The following DNAJC1 variants were observed in gnomAD, a reference collection of about 807,000 sequenced individuals.
The protein encoded by DNAJC1 is dnaJ homolog subfamily C member 1.
DNAJC1 carries 58 observed loss-of-function variants against 76.6 expected under a neutral mutation model. That is an observed-to-expected ratio of 0.76 (90% CI 0.61 to 0.94). The LOEUF (loss-of-function observed/expected upper bound fraction) is 0.94, where lower values mean the gene tolerates loss of function less well. Ranked by LOEUF, DNAJC1 falls within the 40% of genes least tolerant of loss-of-function variation. The pLI, the probability that DNAJC1 is intolerant of heterozygous loss-of-function variation, is 0.00. For synonymous variants in DNAJC1, 258 were observed against 267.9 expected (o/e 0.96, Z 0.36); for missense variants, 689 against 677.3 (o/e 1.02, Z -0.19).
intron 9 of DNAJC1, among the ~76,000 whole-genome samples, chr10:21,774,241 G>A (rs1177339466): frequency 2.0e-5 from 3 of 151,734 alleles, no homozygotes; most frequent in African/African-American, 7.3e-5. Flanking sequence ...AAAAGCTTAC[G>A]GTTTATCTTG....
At chr10:21,905,047 T>C (rs1836719781) in intron 6 of DNAJC1, among the ~76,000 whole-genome samples, 1 of 152,028 alleles carries the variant, frequency 6.6e-6, no homozygotes, top group South Asian at 2.1e-4. Context: ...TATCTTCAAA[T>C]CTGATTATAA....
At chr10:21,889,968 C>G (rs144462588) in intron 7 of DNAJC1, among the ~76,000 whole-genome samples, 4 of 152,304 alleles carry the variant, frequency 2.6e-5, no homozygotes, top group African/African-American at 9.6e-5. Context: ...CCAACCTCCC[C>G]ACCAGGGTGA....
At chr10:21,882,493 TTTC>T in intron 7 of DNAJC1, 54 bp from the exon 8 acceptor site, 2 of 1,172,350 alleles carry the variant, frequency 1.7e-6, no homozygotes, top group Non-Finnish European at 2.3e-6. Context: ...ATAAAATTAA[TTTC>T]TAACATTTTA....
rs118083202 is a variant in DNAJC1, at chr10:21,772,656, T to C, written c.1099-6347A>G. The stretch of plus-strand genomic sequence containing the variant: ...GGTTAATTACTTACTTAAATGCATG[T>C]TAATTTTCTTGATATTTTCCAAGAA... On this transcript the variant is annotated intron_variant, in intron 9 of 11. Transcript: ENST00000376980. Among the ~76,000 whole-genome samples, 1,346 of 152,270 alleles carry C rather than the reference T, an allele frequency of 8.8e-3. 12 individuals carry two copies. Among genetic ancestry groups the C allele is most frequent in the Non-Finnish European group, 0.013 (903 of 68,024 alleles).
chr10:21,767,388 A>G (rs886651462), intron 9 of DNAJC1, among the ~76,000 whole-genome samples: 6 of 152,192 alleles, frequency 3.9e-5, no homozygotes, highest in Admixed American at 3.3e-4. Flanking sequence ...AGATCTACAT[A>G]CAGAATTGCC....
At chr10:21,814,137 C>G (rs927667902) in intron 8 of DNAJC1, among the ~76,000 whole-genome samples, 2 of 152,206 alleles carry the variant, frequency 1.3e-5, no homozygotes, top group African/African-American at 4.8e-5. Context: ...TGGGCACCTA[C>G]AGCGAACATG....
At chr10:21,818,246 C>T (rs746432239) in intron 8 of DNAJC1, among the ~76,000 whole-genome samples, 18 of 152,124 alleles carry the variant, frequency 1.2e-4, no homozygotes, top group Non-Finnish European at 2.2e-4. Context: ...TATGGTCTAG[C>T]TGTAGGGATG....
chr10:21,782,207 A>G (rs1564786433), intron 9 of DNAJC1, among the ~76,000 whole-genome samples: 2 of 152,226 alleles, frequency 1.3e-5, no homozygotes, highest in South Asian at 4.1e-4. Context: ...GATAAAGGGG[A>G]TATCACCACT....
At chr10:21,941,411 C>T (rs372923851) in intron 1 of DNAJC1, among the ~76,000 whole-genome samples, 8 of 151,378 alleles carry the variant, frequency 5.3e-5, no homozygotes, top group Non-Finnish European at 7.4e-5. Flanking sequence ...TGCTACTAGA[C>T]GCTGTTAAGG....
intron 3 of DNAJC1, among the ~76,000 whole-genome samples, chr10:21,923,929 T>C (rs1420516372): frequency 6.6e-6 from 1 of 151,928 alleles, no homozygotes; most frequent in Non-Finnish European, 1.5e-5. Context: ...AAACTAAAAT[T>C]AAAAATCTGT....
chr10:21,768,710 A>T (rs946864029), intron 9 of DNAJC1, among the ~76,000 whole-genome samples: 3 of 152,204 alleles, frequency 2.0e-5, no homozygotes, highest in Non-Finnish European at 2.9e-5. Context: ...TATTTAATGT[A>T]AACAAACTGA....
chr10:21,758,310 G>A (rs891771097), intron 11 of DNAJC1, among the ~76,000 whole-genome samples: 13 of 152,202 alleles, frequency 8.5e-5, no homozygotes, highest in Non-Finnish European at 1.3e-4. Context: ...CACTGTTCCT[G>A]GTTCCTCGAC....
intron 8 of DNAJC1, among the ~76,000 whole-genome samples, chr10:21,841,131 A>G (rs958964819): frequency 2.0e-5 from 3 of 152,218 alleles, no homozygotes; most frequent in Non-Finnish European, 4.4e-5. Context: ...TAAATGTTAG[A>G]CCTAAAACCA....
At chr10:21,944,009 A>C (rs977776386) in intron 1 of DNAJC1, among the ~76,000 whole-genome samples, 3 of 152,072 alleles carry the variant, frequency 2.0e-5, no homozygotes, top group African/African-American at 7.2e-5. Context: ...AAACATACAC[A>C]AGTACATCTC....
intron 7 of DNAJC1, among the ~76,000 whole-genome samples, chr10:21,890,632 C>T (rs777976161): frequency 2.6e-5 from 4 of 152,160 alleles, no homozygotes; most frequent in South Asian, 2.1e-4. Context: ...AATCCACAAA[C>T]GCTCCGTTCC....
Position 21,837,753 on chromosome 10 carries a change from G to A in DNAJC1, c.979-31654C>T, listed in dbSNP as rs570338736. 2.5e-3 allele frequency among the ~76,000 whole-genome samples: 369 copies of A among 150,242 alleles called. 5 individuals are homozygous for A. Among genetic ancestry groups the A allele is most frequent in the African/African-American group, 8.4e-3 (341 of 40,738 alleles). On this transcript the variant is annotated intron_variant, in intron 8 of 11. Coordinates refer to ENST00000376980, the MANE Select transcript of DNAJC1 (RefSeq NM_022365.4). Reference sequence around the variant, plus strand: ...CGGGAAGTGAGGAGCCCCTCTGCCCGGCAGCCGCCTGGTCCAGGAGGGAGG... The same window carrying A: ...CGGGAAGTGAGGAGCCCCTCTGCCCAGCAGCCGCCTGGTCCAGGAGGGAGG...
chr10:21,905,996 A>C (rs765599215), intron 6 of DNAJC1, among the ~76,000 whole-genome samples: 2 of 151,568 alleles, frequency 1.3e-5, no homozygotes, highest in African/African-American at 2.4e-5. Flanking sequence ...AACCCTAGAA[A>C]CTCTTTTCGT....
chr10:21,902,880 G>A (rs999550377), intron 7 of DNAJC1, among the ~76,000 whole-genome samples: 3 of 152,020 alleles, frequency 2.0e-5, no homozygotes, highest in Non-Finnish European at 2.9e-5. Context: ...CAAATGTAGT[G>A]TATTCACGTT....
intron 9 of DNAJC1, among the ~76,000 whole-genome samples, chr10:21,790,010 T>TAA (rs35639440): frequency 2.2e-4 from 9 of 41,064 alleles, no homozygotes; most frequent in Admixed American, 4.1e-4. Flanking sequence ...GCTCTGTCTT[T>TAA]AAAAAAAAAA....
Sources: allele counts gnomAD v4.1 joint callset (sites outside exome capture counted in the v4.1 genomes callset), GRCh38; gene constraint gnomAD v4.1.1; transcripts MANE v1.5; gene names NCBI Gene and HGNC (gene_info 2026-07-23, HGNC 2026-07-21).